The following SYT3 variants were observed in gnomAD, a reference collection of about 807,000 sequenced individuals.
SYT3 encodes the protein synaptotagmin 3.
SYT3 carries 25 observed loss-of-function variants against 50.6 expected under a neutral mutation model. The observed-to-expected ratio is 0.49, with a 90% CI of 0.36 to 0.69. SYT3 has a LOEUF of 0.69. Among genes scored for constraint, SYT3 ranks in the 30% least tolerant of loss-of-function variants. SYT3 has a pLI of 0.00. For missense variants in SYT3, 589 were observed against 793.6 expected, an observed-to-expected ratio of 0.74 and a Z score of 3.10; for synonymous variants, 323 against 353.9, an observed-to-expected ratio of 0.91 and a Z score of 0.98.
At position 50,630,062 on chromosome 19, in the gene SYT3, C is replaced by T; in HGVS notation, c.784G>A (p.Glu262Lys). The change falls in exon 5 of 11, where the codon GAA becomes AAA. Residue 262 changes from glutamate to lysine, a missense_variant. Physicochemically the swap from Glu to Lys is moderately conservative, Grantham distance 56. Around this residue, in one of 2 missense-constraint regions of SYT3, gnomAD observed 316 missense variants for 354.3 expected, o/e 0.89. Transcript: ENST00000600079. The part of the protein sequence containing the change: ...ALPLPLPGGE[E>K]KAKLIGQIKP... ...ATCTGCCCAATGAGTTTGGCTTTTT[C>T]CTCGCCTCCAGGCAGGGGTAAGGGC... 1 of 1,613,970 alleles carries T rather than the reference C, an allele frequency of 6.2e-7. No homozygotes were observed. The highest frequency in any genetic ancestry group is 8.5e-7 in the Non-Finnish European group (1 of 1,179,962).
At position 50,632,410 on chromosome 19, in the gene SYT3, T is replaced by A; in HGVS notation, c.550A>T (p.Thr184Ser). 6.2e-7 allele frequency: 1 copy of A among 1,613,782 alleles called. No homozygotes were observed. The highest frequency in any genetic ancestry group is 8.5e-7 in the Non-Finnish European group (1 of 1,179,948). The stretch of plus-strand genomic sequence containing the variant: ...CCCTCAGAGGGCAGCTCAGGGGATG[T>A]TTGGCTCGGTTTGACCCCAGCGGCC... ...AVAAGVKPSQ[T>S]SPELPSEGGA... The change falls in exon 4 of 11, where the codon ACA becomes TCA. Residue 184 changes from threonine to serine, a missense_variant. Physicochemically the swap from Thr to Ser is moderately conservative, Grantham distance 58. This residue lies in a region of SYT3 where 316 missense variants were observed against 354.3 expected (regional missense o/e 0.89). Transcript: ENST00000600079. The surrounding 1 kb of genome is among the most constrained non-coding windows in gnomAD (Gnocchi z 4.7).
In SYT3 at chr19:50,630,269, C is replaced by G. The variant is rs190732729; in HGVS notation, c.675-98G>C. ...GACTCCTCCCTGCCTTTCCCCCCAT[C>G]CCCCAGCCAGGTGGCCACAAGTCCC... is the stretch of plus-strand genomic sequence containing the variant. On this transcript the variant is annotated intron_variant, in intron 4 of 10. Coordinates refer to ENST00000600079, the MANE Select transcript of SYT3 (RefSeq NM_001160329.2). The G allele has an allele frequency of 4.5e-5, 58 of 1,275,396 alleles. No homozygotes were observed. In the African/African-American group the frequency reaches 7.7e-4, roughly 17 times the overall value. The allele number at this position is 1,275,396 out of a possible 1,614,324, so 79.0% of individuals were successfully genotyped here. A position where few individuals can be genotyped will look rare whatever the true frequency, so the allele number is the denominator to read the frequency against.
chr19:50,656,286 C>T, the SYT3 span: 6 of 1,536,184 alleles, frequency 3.9e-6, no homozygotes, highest in East Asian at 1.2e-4. Context: ...AACTCCCGTG[C>T]ATCCGGAAGT....
upstream of SYT3, among the ~76,000 whole-genome samples, chr19:50,640,309 C>T (rs186706610): frequency 5.3e-4 from 81 of 152,324 alleles, no homozygotes; most frequent in Admixed American, 4.2e-3. Context: ...GCGCCTCTTG[C>T]TCTGAGGCCC....
the SYT3 span, among the ~76,000 whole-genome samples, chr19:50,647,732 G>A: frequency 6.6e-6 from 1 of 152,078 alleles, no homozygotes; most frequent in Non-Finnish European, 1.5e-5. Context: ...AGGTCTGAGT[G>A]GCTGCTAGAG....
chr19:50,651,001 T>C, the SYT3 span, among the ~76,000 whole-genome samples: 4 of 152,240 alleles, frequency 2.6e-5, no homozygotes, highest in Non-Finnish European at 5.9e-5. Context: ...ATTTCGATTT[T>C]GCTGTTTTCT....
chr19:50,649,329 G>A, the SYT3 span: 17 of 981,564 alleles, frequency 1.7e-5, no homozygotes, highest in African/African-American at 8.0e-5. Flanking sequence ...ATTCTACCCC[G>A]GGGCTTCAAA....
At chr19:50,623,413 G>A (rs1983918900) in intron 9 of SYT3, among the ~76,000 whole-genome samples, 1 of 152,056 alleles carries the variant, frequency 6.6e-6, no homozygotes, top group African/African-American at 2.4e-5. Context: ...ATCTGGTGAT[G>A]TGGTGAAAGT....
In SYT3 at chr19:50,637,234, G is replaced by A; in HGVS notation, c.148+30C>T. 1 of 1,605,250 alleles carries A rather than the reference G, an allele frequency of 6.2e-7. No individual in the cohort carries two copies. Among genetic ancestry groups the A allele is most frequent in the Non-Finnish European group, 8.5e-7 (1 of 1,174,166 alleles). ...GTCTCCTGGCCATAGTGCAAGCAGG[G>A]GGCTGGCCAAGACAGGCAGGGGTGC... On this transcript the variant is annotated intron_variant, in intron 3 of 10. Coordinates refer to ENST00000600079, the MANE Select transcript of SYT3 (RefSeq NM_001160329.2). This position sits in a 1 kb window ranked among gnomAD's most constrained non-coding sequence, Gnocchi z 4.9.
rs750433536 is a variant in SYT3 at position 50,637,460 on chromosome 19, T to C, written c.-15-34A>G. The C allele has an allele frequency of 2.1e-5, 32 of 1,557,674 alleles. No individual in the cohort carries two copies. The highest frequency in any genetic ancestry group is 1.7e-6 in the Non-Finnish European group (2 of 1,147,230). On this transcript the variant is annotated intron_variant, in intron 2 of 10. Coordinates refer to ENST00000600079, the MANE Select transcript of SYT3 (RefSeq NM_001160329.2). The surrounding 1 kb of genome is among the most constrained non-coding windows in gnomAD (Gnocchi z 4.9). ...GGGAGGGATGGGGCAAGGGTGCAGA[T>C]GGGAAACAGAATGGGAGTGCAGGGT...
At position 50,632,331 on chromosome 19, in the gene SYT3, C is replaced by T. The variant is rs751653950; in HGVS notation, c.629G>A (p.Ser210Asn). 12 of 1,598,492 alleles carry T rather than the reference C, an allele frequency of 7.5e-6. 1 individual carries two copies. The South Asian group carries it at 1.3e-4, about 18-fold the overall frequency. ...LLPPSGGGLPSAQSHQQVTSL... is the reference protein window; with the variant it reads ...LLPPSGGGLPNAQSHQQVTSL... ...TGTGACCTGCTGATGTGACTGGGCACTGGGCAAGCCCCCACCACTGGGGGG... is the reference window on the plus strand; with the variant it reads ...TGTGACCTGCTGATGTGACTGGGCATTGGGCAAGCCCCCACCACTGGGGGG... The change falls in exon 4 of 11, where the codon AGT becomes AAT. Residue 210 changes from serine (S) to asparagine (N), a missense_variant. Ser to Asn is a conservative substitution (Grantham distance 46). Around this residue, in one of 2 missense-constraint regions of SYT3, gnomAD observed 316 missense variants for 354.3 expected, o/e 0.89. Coordinates refer to ENST00000600079, the MANE Select transcript of SYT3 (RefSeq NM_001160329.2). The surrounding 1 kb of genome is among the most constrained non-coding windows in gnomAD (Gnocchi z 4.7).
At position 50,625,779 on chromosome 19, in the gene SYT3, AG is replaced by A; in HGVS notation, c.1402+117del. 14 of 566,826 alleles carry A rather than the reference AG, an allele frequency of 2.5e-5. 5 individuals are homozygous for A. The highest frequency in any genetic ancestry group is 1.1e-4 in the South Asian group (6 of 52,892). 35.1% of individuals were successfully genotyped at this position (566,826 alleles called of 1,614,324 possible). A position where few individuals can be genotyped will look rare whatever the true frequency, so the allele number is the denominator to read the frequency against. On this transcript the variant is annotated intron_variant, in intron 7 of 10. Coordinates refer to ENST00000600079, the MANE Select transcript of SYT3 (RefSeq NM_001160329.2). This position sits in a 1 kb window ranked among gnomAD's most constrained non-coding sequence, Gnocchi z 7.5. Reference sequence around the variant, plus strand: ...TGGCCCCTCCTCCCTCAGACCCAGGAGTCCAGATCCCCAGCTCCTCCTCCCT... The same window carrying A: ...TGGCCCCTCCTCCCTCAGACCCAGGATCCAGATCCCCAGCTCCTCCTCCCT...
upstream of SYT3, among the ~76,000 whole-genome samples, chr19:50,641,031 C>A (rs1192355589): frequency 1.3e-5 from 2 of 152,164 alleles, no homozygotes; most frequent in Non-Finnish European, 2.9e-5. Context: ...CTATCCTGGA[C>A]AACGTAGGAG....
Position 50,639,529 on chromosome 19 carries a change from A to C in SYT3, c.-154+261T>G, listed in dbSNP as rs1479881986. 2.0e-5 allele frequency among the ~76,000 whole-genome samples: 3 copies of C among 151,574 alleles called. No homozygotes were observed. Among genetic ancestry groups the C allele is most frequent in the South Asian group, 4.1e-4 (2 of 4,820 alleles). On this transcript the variant is annotated intron_variant, in intron 1 of 10. Transcript: ENST00000600079. This position sits in a 1 kb window ranked among gnomAD's most constrained non-coding sequence, Gnocchi z 4.6. ...AAAAGCCACGGAGCCCTAAGTCCTT[A>C]GGGGCCACGGAATGAGGAAACGATC...
chr19:50,646,726 G>A, the SYT3 span, among the ~76,000 whole-genome samples: 10 of 152,182 alleles, frequency 6.6e-5, no homozygotes, highest in Admixed American at 4.6e-4. Context: ...GGGGACATGG[G>A]GAAAGGTTGG....
the SYT3 span, among the ~76,000 whole-genome samples, chr19:50,650,110 A>G: frequency 1.3e-5 from 2 of 152,098 alleles, no homozygotes; most frequent in African/African-American, 4.8e-5. Context: ...ATGGCTCCAG[A>G]GAGGTCTCTC....
rs1468325195 is a variant in SYT3, at chr19:50,632,957, AT to A, written c.149-147del. On this transcript the variant is annotated intron_variant, in intron 3 of 10. Transcript: ENST00000600079. This position sits in a 1 kb window ranked among gnomAD's most constrained non-coding sequence, Gnocchi z 4.7. ...CCAGGCACTTTACATGTATTACTTAATTTATGTTCTACAACTCTACAAGGTT... is the reference window on the plus strand; with the variant it reads ...CCAGGCACTTTACATGTATTACTTAATTATGTTCTACAACTCTACAAGGTT... The A allele has an allele frequency of 1.1e-5, 6 of 535,102 alleles. No individual in the cohort carries two copies. The African/African-American group carries it at 1.2e-4, about 10-fold the overall frequency. 33.1% of individuals were successfully genotyped at this position (535,102 alleles called of 1,614,324 possible).
Position 50,633,430 on chromosome 19 carries a change from C to A in SYT3, c.149-619G>T, listed in dbSNP as rs371352592. Among the ~76,000 whole-genome samples the A allele has an allele frequency of 1.1e-4, 16 of 152,348 alleles. No individual in the cohort carries two copies. The East Asian group carries it at 3.1e-3, about 29-fold the overall frequency. On this transcript the variant is annotated intron_variant, in intron 3 of 10. Transcript: ENST00000600079. ...AGATTTTATTCTCTTAATCACTAGA[C>A]TTTGCTGCCTCTCTATAATAGAACA...
At chr19:50,624,360 C>G (rs937658901) in intron 9 of SYT3, among the ~76,000 whole-genome samples, 1 of 152,070 alleles carries the variant, frequency 6.6e-6, no homozygotes, top group Non-Finnish European at 1.5e-5. Context: ...TGTTGAAATT[C>G]ACAACATTAT....
Sources: allele counts gnomAD v4.1 joint callset (sites outside exome capture counted in the v4.1 genomes callset), GRCh38; gene constraint gnomAD v4.1.1; regional missense constraint gnomAD v4.1.1; non-coding constraint Gnocchi (gnomAD v3.1); transcripts MANE v1.5; gene names NCBI Gene and HGNC (gene_info 2026-07-23, HGNC 2026-07-21).